Variants in PHC2 observed in about 807,000 individuals in gnomAD.
PHC2 encodes the protein polyhomeotic homolog 2.
Under a neutral mutation model 87.4 loss-of-function variants are expected in PHC2, and 29 were observed. The observed-to-expected ratio is 0.33, with a 90% CI of 0.25 to 0.45. The LOEUF (loss-of-function observed/expected upper bound fraction) is 0.45, where lower values mean the gene tolerates loss of function less well. PHC2 is among the 20% of genes least tolerant of loss of function. The pLI, the probability that PHC2 is intolerant of heterozygous loss-of-function variation, is 1.00. For missense variants in PHC2, 857 were observed against 1,136.7 expected (o/e 0.75, Z 3.54); for synonymous variants, 438 against 461.7 (o/e 0.95, Z 0.66).
In PHC2 at chr1:33,368,560, G is replaced by C. The variant is rs922942582; in HGVS notation, c.639C>G (p.Pro213=). 3.9e-6 allele frequency: 6 copies of C among 1,545,396 alleles called. No individual in the cohort carries two copies. The highest frequency in any genetic ancestry group is 4.9e-5 in the East Asian group (2 of 40,858). The part of the protein sequence containing the change: ...TVQPELGTGS[P]ARPPTPAQVQ... Reference sequence around the variant, plus strand: ...CCTGGGCGGGGGTGGGGGGCCGGGCGGGGGAGCCAGTGCCGAGCTCAGGCT... The same window carrying C: ...CCTGGGCGGGGGTGGGGGGCCGGGCCGGGGAGCCAGTGCCGAGCTCAGGCT... The change falls in exon 6 of 15, where the codon CCC becomes CCG. Residue 213 remains proline (P), a synonymous_variant. Coordinates refer to ENST00000683057, the MANE Select transcript of PHC2 (RefSeq NM_001385109.1). This position sits in a 1 kb window ranked among gnomAD's most constrained non-coding sequence, Gnocchi z 6.6.
rs1326371822 is a variant in PHC2, at chr1:33,329,155, A to G, written c.2149-9T>C. ...GGCACAGTGCCTGTTGGCTGGGAGC[A>G]GAGAGTTTTCTTCAGGATGGGGGAA... is the stretch of plus-strand genomic sequence containing the variant. On this transcript the variant is annotated splice_polypyrimidine_tract_variant and intron_variant, in intron 13 of 14. Coordinates refer to ENST00000683057, the MANE Select transcript of PHC2 (RefSeq NM_001385109.1). 3 of 1,608,092 alleles carry G rather than the reference A, an allele frequency of 1.9e-6. No individual in the cohort carries two copies. The highest frequency in any genetic ancestry group is 2.6e-6 in the Non-Finnish European group (3 of 1,175,688).
rs187782823 is a variant in PHC2, at chr1:33,375,262, A to T, written c.174+104T>A. On this transcript the variant is annotated intron_variant, in intron 2 of 14. Coordinates refer to ENST00000683057, the MANE Select transcript of PHC2 (RefSeq NM_001385109.1). The stretch of plus-strand genomic sequence containing the variant: ...GAACTCACTCCCATATGCCCGTTCT[A>T]GAGTCCACATCTAGATTATCCCACC... 553 of 949,712 alleles carry T rather than the reference A, an allele frequency of 5.8e-4. 3 individuals are homozygous for T. The African/African-American group carries it at 8.5e-3, about 15-fold the overall frequency. The allele number at this position is 949,712 out of a possible 1,614,324, so 58.8% of individuals were successfully genotyped here.
intron 9 of PHC2, chr1:33,345,642 G>T: frequency 1.0e-6 from 1 of 983,442 alleles, no homozygotes; most frequent in Non-Finnish European, 1.2e-6. Flanking sequence ...ATTCTAAATT[G>T]TATAATTCTT....
chr1:33,406,390 A>C (rs944548075), intron 1 of PHC2, among the ~76,000 whole-genome samples: 3 of 151,908 alleles, frequency 2.0e-5, no homozygotes, highest in Non-Finnish European at 4.4e-5. Flanking sequence ...TCCAATCGTG[A>C]TATTGGGGCC....
chr1:33,337,270 G>T lies in PHC2; in HGVS notation c.1559-2978C>A, dbSNP rs185390702. ...CCCAATGATTTTCTGGCATTTGTTT[G>T]AATACCTCCAGCGACAAAGAAACTC... On this transcript the variant is annotated intron_variant, in intron 9 of 14. Transcript: ENST00000683057. Among the ~76,000 whole-genome samples the T allele has an allele frequency of 1.7e-4, 26 of 152,268 alleles. 1 individual carries two copies. The highest frequency in any genetic ancestry group is 5.8e-4 in the African/African-American group (24 of 41,550).
At chr1:33,371,315 C>T (rs1392218887) in intron 3 of PHC2, among the ~76,000 whole-genome samples, 5 of 150,686 alleles carry the variant, frequency 3.3e-5, no homozygotes, top group Non-Finnish European at 5.9e-5. Context: ...GCTGAGAGGA[C>T]TGAATAAGGC....
rs757552383 is a variant in PHC2, at chr1:33,331,316, C to A, written c.2006+32G>T. The A allele has an allele frequency of 2.5e-6, 3 of 1,218,902 alleles. No individual in the cohort carries two copies. The highest frequency in any genetic ancestry group is 3.6e-6 in the Non-Finnish European group (3 of 824,214). The allele number at this position is 1,218,902 out of a possible 1,614,324, so 75.5% of individuals were successfully genotyped here. A position where few individuals can be genotyped will look rare whatever the true frequency, so the allele number is the denominator to read the frequency against. ...AGGAGGTGGGACATAAAGTGCAGTC[C>A]TGGGGAAATGGAGGGGGCTGGGGCC... On this transcript the variant is annotated intron_variant, in intron 12 of 14. Coordinates refer to ENST00000683057, the MANE Select transcript of PHC2 (RefSeq NM_001385109.1). This position sits in a 1 kb window ranked among gnomAD's most constrained non-coding sequence, Gnocchi z 5.2.
intron 2 of PHC2, among the ~76,000 whole-genome samples, chr1:33,373,226 T>C (rs1179046562): frequency 1.3e-5 from 2 of 152,156 alleles, no homozygotes; most frequent in Non-Finnish European, 2.9e-5. Context: ...CAAGTGATTC[T>C]CCTGCCTCAG....
rs1647512632 is a variant in PHC2, at chr1:33,367,266, G to A, written c.826C>T (p.Pro276Ser). Residue 276 changes from proline (P) to serine (S), a missense_variant, in exon 7 of 15, where the codon CCT becomes TCT. By Grantham distance (74) the Pro-to-Ser change is moderately conservative. This residue lies in a region of PHC2 where 832 missense variants were observed against 1,081.8 expected (regional missense o/e 0.77). Transcript: ENST00000683057. The part of the protein sequence containing the change: ...AQSRNTAQAS[P>S]AGAKPGIADS... ...GCTATGCCAGGCTTGGCACCTGCAG[G>A]GGAAGCCTGAGCAGTATTTCTGCTC... 1 of 1,614,046 alleles carries A rather than the reference G, an allele frequency of 6.2e-7. No individual in the cohort carries two copies. Among genetic ancestry groups the A allele is most frequent in the Admixed American group, 1.7e-5 (1 of 60,010 alleles).
chr1:33,329,153 G>A lies in PHC2; in HGVS notation c.2149-7C>T. The A allele has an allele frequency of 1.2e-6, 2 of 1,608,202 alleles. No individual in the cohort carries two copies. The highest frequency in any genetic ancestry group is 1.7e-6 in the Non-Finnish European group (2 of 1,175,702). On this transcript the variant is annotated splice_region_variant and splice_polypyrimidine_tract_variant and intron_variant, in intron 13 of 14. Coordinates refer to ENST00000683057, the MANE Select transcript of PHC2 (RefSeq NM_001385109.1). Reference sequence around the variant, plus strand: ...GGGGCACAGTGCCTGTTGGCTGGGAGCAGAGAGTTTTCTTCAGGATGGGGG... The same window carrying A: ...GGGGCACAGTGCCTGTTGGCTGGGAACAGAGAGTTTTCTTCAGGATGGGGG...
chr1:33,332,635 CAACGGA>C lies in PHC2; in HGVS notation c.1762-237_1762-232del. Reference sequence around the variant, plus strand: ...TACAGGGATGGCTTCTGTCCAGGACCAACGGATGGCTCAGGAGATTAGGAAAATGTC... The same window carrying C: ...TACAGGGATGGCTTCTGTCCAGGACCTGGCTCAGGAGATTAGGAAAATGTC... On this transcript the variant is annotated intron_variant, in intron 10 of 14. Transcript: ENST00000683057. The surrounding 1 kb of genome is among the most constrained non-coding windows in gnomAD (Gnocchi z 4.2). The C allele has an allele frequency of 1.9e-6, 1 of 531,548 alleles. No homozygotes were observed. 32.9% of individuals were successfully genotyped at this position (531,548 alleles called of 1,614,324 possible).
At chr1:33,355,276 A>G in intron 7 of PHC2, 23 bp from the exon 8 acceptor site, 1 of 1,536,266 alleles carries the variant, frequency 6.5e-7, no homozygotes, top group South Asian at 1.3e-5. Flanking sequence ...AGGCCAGGTT[A>G]GAGAGCATGG....
At chr1:33,356,336 G>A (rs1487525490) in intron 7 of PHC2, among the ~76,000 whole-genome samples, 9 of 136,070 alleles carry the variant, frequency 6.6e-5, no homozygotes, top group South Asian at 2.5e-4. Flanking sequence ...GGTGTTTCTC[G>A]GAGAGGGGGA....
At chr1:33,421,343 C>T (rs372774219) in intron 1 of PHC2, among the ~76,000 whole-genome samples, 6 of 151,940 alleles carry the variant, frequency 3.9e-5, no homozygotes, top group African/African-American at 9.7e-5. Context: ...TGACTAAGAG[C>T]GCTGACACAC....
intron 1 of PHC2, among the ~76,000 whole-genome samples, chr1:33,430,707 G>A (rs1428391967): frequency 6.6e-6 from 1 of 151,554 alleles, no homozygotes; most frequent in Non-Finnish European, 1.5e-5. Flanking sequence ...CCCGGCCCGG[G>A]GGCGCCGCGC....
At chr1:33,371,842 C>A (rs1647864401) in intron 3 of PHC2, among the ~76,000 whole-genome samples, 1 of 152,206 alleles carries the variant, frequency 6.6e-6, no homozygotes, top group African/African-American at 2.4e-5. Context: ...GCTCAGTATA[C>A]CCAGTGCTTG....
intron 1 of PHC2, among the ~76,000 whole-genome samples, chr1:33,386,057 A>T (rs1258098540): frequency 1.3e-5 from 2 of 151,084 alleles, no homozygotes; most frequent in Non-Finnish European, 2.9e-5. Context: ...TCGGCCTCCC[A>T]AAGTGCTGGG....
chr1:33,388,068 G>A (rs1434781254), intron 1 of PHC2, among the ~76,000 whole-genome samples: 1 of 152,182 alleles, frequency 6.6e-6, no homozygotes, highest in Admixed American at 6.5e-5. Context: ...TAATTGAAAA[G>A]TAATACAAAA....
chr1:33,401,886 C>A (rs1046433673), intron 1 of PHC2, among the ~76,000 whole-genome samples: 4 of 151,870 alleles, frequency 2.6e-5, no homozygotes, highest in African/African-American at 9.7e-5. Context: ...GAGGAATAGA[C>A]AAAAATACAA....
Sources: gnomAD v4.1 joint callset for allele counts (sites outside exome capture counted in the v4.1 genomes callset) on GRCh38, gnomAD v4.1.1 for gene constraint, gnomAD v4.1.1 regional missense constraint, Gnocchi (gnomAD v3.1) non-coding constraint, MANE v1.5 for transcripts, NCBI Gene and HGNC (gene_info 2026-07-23, HGNC 2026-07-21) for gene names.